Variants in HMGB1 observed in about 807,000 individuals in gnomAD.
HMGB1 encodes high mobility group box 1.
For missense variants in HMGB1, 79 were observed against 253.5 expected (o/e 0.31, Z 4.67); for synonymous variants, 81 against 84.0 (o/e 0.96, Z 0.19).
intron 1 of HMGB1, among the ~76,000 whole-genome samples, chr13:30,533,813 T>TA (rs1396223356): frequency 1.1e-4 from 17 of 150,124 alleles, no homozygotes; most frequent in South Asian, 4.2e-4. Flanking sequence ...TTACATAATT[T>TA]AAAAAAAAAT....
rs1886024349 is a variant in HMGB1, at chr13:30,457,136, T to C, written c.*4221A>G. 1 of 152,198 alleles carries C rather than the reference T, an allele frequency of 6.6e-6. No individual in the cohort carries two copies. The highest frequency in any genetic ancestry group is 2.1e-4 in the South Asian group (1 of 4,832). 9.4% of individuals were successfully genotyped at this position (152,198 alleles called of 1,614,324 possible). A position where few individuals can be genotyped will look rare whatever the true frequency, so the allele number is the denominator to read the frequency against. ...ATCCCTTTTCCACTTATTTTTAAAATGGTATTTAGTATATCTGCAAAATTA... is the reference window on the plus strand; with the variant it reads ...ATCCCTTTTCCACTTATTTTTAAAACGGTATTTAGTATATCTGCAAAATTA... On this transcript the variant is annotated 3_prime_UTR_variant, in exon 5 of 5. Transcript: ENST00000341423.
intron 1 of HMGB1, among the ~76,000 whole-genome samples, chr13:30,528,168 C>T (rs191226031): frequency 4.9e-4 from 74 of 152,298 alleles, no homozygotes; most frequent in African/African-American, 1.7e-3. Context: ...CTGTTTTCTA[C>T]GTACAGGTTT....
intron 1 of HMGB1, among the ~76,000 whole-genome samples, chr13:30,501,155 G>A (rs1593277961): frequency 6.6e-6 from 1 of 152,280 alleles, no homozygotes; most frequent in Non-Finnish European, 1.5e-5. Flanking sequence ...ATACCCTGAA[G>A]AGCCACAGGT....
chr13:30,475,197 G>A (rs150678907), intron 1 of HMGB1, among the ~76,000 whole-genome samples: 4 of 113,586 alleles, frequency 3.5e-5, no homozygotes, highest in Non-Finnish European at 5.1e-5. Flanking sequence ...GCAGTGATGC[G>A]ACTTCAGCTC....
chr13:30,575,773 G>A (rs1387239034), intron 1 of HMGB1, among the ~76,000 whole-genome samples: 2 of 152,256 alleles, frequency 1.3e-5, no homozygotes, highest in Admixed American at 1.3e-4. Context: ...GTGTGCTTAG[G>A]TGCATGGTGA....
intron 1 of HMGB1, among the ~76,000 whole-genome samples, chr13:30,493,086 A>G (rs539477356): frequency 6.6e-6 from 1 of 152,236 alleles, no homozygotes; most frequent in East Asian, 1.9e-4. Flanking sequence ...AAAAATAAAA[A>G]TATATGTTCA....
intron 1 of HMGB1, among the ~76,000 whole-genome samples, chr13:30,599,622 C>CAG (rs1302511850): frequency 1.3e-5 from 2 of 152,234 alleles, no homozygotes; most frequent in Non-Finnish European, 2.9e-5. Context: ...CCTTAACTTG[C>CAG]AGATGGCTGC....
upstream of HMGB1, among the ~76,000 whole-genome samples, chr13:30,469,654 C>T (rs1280124309): frequency 1.4e-5 from 2 of 145,400 alleles, 1 homozygote; most frequent in East Asian, 4.2e-4. Context: ...TTATTTGAGA[C>T]GGAGTCTCCC....
At chr13:30,505,126 T>C (rs1430448436) in intron 1 of HMGB1, among the ~76,000 whole-genome samples, 2 of 134,990 alleles carry the variant, frequency 1.5e-5, no homozygotes, top group African/African-American at 2.9e-5. Flanking sequence ...GCCGCCACCA[T>C]GCCCAGCTAA....
intron 1 of HMGB1, among the ~76,000 whole-genome samples, chr13:30,519,642 G>A (rs1176017089): frequency 4.0e-5 from 6 of 151,844 alleles, no homozygotes; most frequent in African/African-American, 1.5e-4. Flanking sequence ...GGAGCTTGCA[G>A]TGAGCTGAGA....
chr13:30,459,271 T>G lies in HMGB1; in HGVS notation c.*2086A>C, dbSNP rs1220998069. On this transcript the variant is annotated 3_prime_UTR_variant, in exon 5 of 5. Transcript: ENST00000341423. ...ACACCAAACCATACTAATCTTCAGA[T>G]TGAAGAGGGGTTTTGTCCATTTTCT... 2 of 152,202 alleles carry G rather than the reference T, an allele frequency of 1.3e-5. No individual in the cohort carries two copies. Among genetic ancestry groups the G allele is most frequent in the Non-Finnish European group, 2.9e-5 (2 of 68,026 alleles). 9.4% of individuals were successfully genotyped at this position (152,202 alleles called of 1,614,324 possible). A position where few individuals can be genotyped will look rare whatever the true frequency, so the allele number is the denominator to read the frequency against.
At chr13:30,603,238 T>C (rs1328432389) in intron 1 of HMGB1, among the ~76,000 whole-genome samples, 1 of 152,234 alleles carries the variant, frequency 6.6e-6, no homozygotes, top group Non-Finnish European at 1.5e-5. Flanking sequence ...CATTTCTGCT[T>C]ATCTAGTGAT....
chr13:30,487,872 A>G (rs765322552), intron 1 of HMGB1, among the ~76,000 whole-genome samples: 1 of 152,224 alleles, frequency 6.6e-6, no homozygotes, highest in Non-Finnish European at 1.5e-5. Flanking sequence ...ACGGGTTCTA[A>G]GTTTAGAACT....
chr13:30,528,804 T>A (rs1353624486), intron 1 of HMGB1, among the ~76,000 whole-genome samples: 1 of 151,922 alleles, frequency 6.6e-6, no homozygotes, highest in East Asian at 1.9e-4. Context: ...CGAGGTGGGC[T>A]GATCACGAGG....
intron 1 of HMGB1, among the ~76,000 whole-genome samples, chr13:30,474,551 C>T (rs369305185): frequency 6.6e-6 from 1 of 152,172 alleles, no homozygotes; most frequent in African/African-American, 2.4e-5. Flanking sequence ...CGTAAACTGG[C>T]CCCTCTCTGG....
At chr13:30,476,443 T>C (rs1156677745) in intron 1 of HMGB1, among the ~76,000 whole-genome samples, 5 of 152,036 alleles carry the variant, frequency 3.3e-5, no homozygotes, top group Non-Finnish European at 7.4e-5. Flanking sequence ...CCAGCCAGCA[T>C]GTACTCTTGA....
intron 1 of HMGB1, among the ~76,000 whole-genome samples, chr13:30,567,361 T>C (rs1479194533): frequency 2.0e-5 from 3 of 151,656 alleles, no homozygotes; most frequent in African/African-American, 7.3e-5. Flanking sequence ...TTTTTTTTTT[T>C]TGAGAATGAA....
At chr13:30,614,843 C>G (rs1024086531) in intron 1 of HMGB1, among the ~76,000 whole-genome samples, 1 of 151,426 alleles carries the variant, frequency 6.6e-6, no homozygotes. Flanking sequence ...GGTTTACAGG[C>G]GCCTCCCACC....
intron 1 of HMGB1, among the ~76,000 whole-genome samples, chr13:30,590,114 G>C (rs1164103853): frequency 6.6e-6 from 1 of 151,790 alleles, no homozygotes; most frequent in Non-Finnish European, 1.5e-5. Context: ...TTAAAACAAA[G>C]GGCTGTAAGG....
Sources: allele counts gnomAD v4.1 joint callset (sites outside exome capture counted in the v4.1 genomes callset), GRCh38; gene constraint gnomAD v4.1.1; transcripts MANE v1.5; gene names NCBI Gene and HGNC (gene_info 2026-07-23, HGNC 2026-07-21).